The following MAGEB5 variants were observed in gnomAD, a reference collection of about 807,000 sequenced individuals.
MAGEB5 encodes the protein melanoma-associated antigen B5.
For missense variants in MAGEB5, 189 were observed against 197.1 expected, an observed-to-expected ratio of 0.96 and a Z score of 0.25; for synonymous variants, 70 against 75.0, an observed-to-expected ratio of 0.93 and a Z score of 0.34.
At position 26,218,256 on chromosome X, in the gene MAGEB5, A is replaced by C; in HGVS notation, c.*127A>C. ...AAATAGAAAAAAATAATAAAACATG[A>C]TCTTGGTTTTCTTCATTCCTTTCAG... On this transcript the variant is annotated 3_prime_UTR_variant, in exon 2 of 2. Transcript: ENST00000602297. The C allele has an allele frequency of 2.3e-6, 1 of 441,300 alleles. No homozygotes were observed. The highest frequency in any genetic ancestry group is 3.7e-6 in the Non-Finnish European group (1 of 271,428). The allele number at this position is 441,300 out of a possible 1,213,427, so 36.4% of individuals were successfully genotyped here. A position where few individuals can be genotyped will look rare whatever the true frequency, so the allele number is the denominator to read the frequency against.
At position 26,217,507 on chromosome X, in the gene MAGEB5, T is replaced by C. The variant is rs953334441; in HGVS notation, c.206T>C (p.Ile69Thr). The C allele has an allele frequency of 9.4e-6, 11 of 1,166,293 alleles. No individual in the cohort carries two copies. The highest frequency in any genetic ancestry group is 2.3e-4 in the Middle Eastern group (1 of 4,304). Reference protein sequence around the residue: ...QRILKEDMLKIVNPRYQNQFA... With the variant: ...QRILKEDMLKTVNPRYQNQFA... The stretch of plus-strand genomic sequence containing the variant: ...ATTTTGAAGGAAGATATGCTGAAGA[T>C]TGTCAACCCAAGATACCAAAACCAG... The change falls in exon 2 of 2, where the codon ATT becomes ACT. Residue 69 changes from isoleucine to threonine, a missense_variant. By Grantham distance (89) the Ile-to-Thr change is moderately conservative. Transcript: ENST00000602297.
chrX:26,218,240 AAAAT>A lies in MAGEB5; in HGVS notation c.*114_*117del, dbSNP rs1380511510. The A allele has an allele frequency of 8.6e-6, 4 of 467,232 alleles. No homozygotes were observed. The highest frequency in any genetic ancestry group is 1.4e-5 in the Non-Finnish European group (4 of 293,121). The allele number at this position is 467,232 out of a possible 1,213,427, so 38.5% of individuals were successfully genotyped here. On this transcript the variant is annotated 3_prime_UTR_variant, in exon 2 of 2. Coordinates refer to ENST00000602297, the MANE Select transcript of MAGEB5 (RefSeq NM_001271752.1). ...AATAATTGAGATAATGAAATAGAAA[AAAAT>A]AATAAAACATGATCTTGGTTTTCTT...
Position 26,217,389 on chromosome X carries a change from C to A in MAGEB5, c.88C>A (p.Pro30Thr). 1 of 1,166,313 alleles carries A rather than the reference C, an allele frequency of 8.6e-7. No individual in the cohort carries two copies. The highest frequency in any genetic ancestry group is 1.1e-6 in the Non-Finnish European group (1 of 872,368). Reference protein sequence around the residue: ...EEYPCSSEVSPSTESSCSNFI... With the variant: ...EEYPCSSEVSTSTESSCSNFI... ...GTACCCATGTTCCTCAGAGGTCTCACCCTCCACTGAGAGTTCATGCAGCAA... is the reference window on the plus strand; with the variant it reads ...GTACCCATGTTCCTCAGAGGTCTCAACCTCCACTGAGAGTTCATGCAGCAA... Residue 30 changes from proline (P) to threonine (T), a missense_variant, in exon 2 of 2, where the codon CCC becomes ACC. Coordinates refer to ENST00000602297, the MANE Select transcript of MAGEB5 (RefSeq NM_001271752.1).
At position 26,217,937 on chromosome X, in the gene MAGEB5, C is replaced by T; in HGVS notation, c.636C>T (p.Thr212=). Residue 212 remains threonine (T), a synonymous_variant, in exon 2 of 2, where the codon ACC becomes ACT. Transcript: ENST00000602297. ...GGGGTCCAAGAGCCTATACTGAAAC[C>T]AGCAAGATGAAAGTCCTGGAATATT... is the stretch of plus-strand genomic sequence containing the variant. The part of the protein sequence containing the change: ...FLWGPRAYTE[T]SKMKVLEYLA... 1 of 1,208,233 alleles carries T rather than the reference C, an allele frequency of 8.3e-7. No homozygotes were observed. Among genetic ancestry groups the T allele is most frequent in the East Asian group, 3.0e-5 (1 of 33,765 alleles).
chrX:26,216,821 G>C (rs1929456337), intron 1 of MAGEB5, among the ~76,000 whole-genome samples: 1 of 112,323 alleles, frequency 8.9e-6, no homozygotes, highest in Non-Finnish European at 1.9e-5. Context: ...ACCTTAATAT[G>C]CCTGAGGCAG....
chrX:26,218,002 C>T lies in MAGEB5; in HGVS notation c.701C>T (p.Ser234Leu). ...GATATTGCTCCAGGTGCCTTCTCAT[C>T]ACAATATGAAGAGGCTTTGCAAGAT... ...VNDIAPGAFS[S>L]QYEEALQDEE... is the part of the protein sequence containing the mutation. The change falls in exon 2 of 2, where the codon TCA (serine) becomes TTA (leucine). Residue 234 changes from serine to leucine, a missense_variant. Ser to Leu is a moderately radical substitution (Grantham distance 145, BLOSUM62 -2). Coordinates refer to ENST00000602297, the MANE Select transcript of MAGEB5 (RefSeq NM_001271752.1). The T allele has an allele frequency of 1.7e-6, 2 of 1,190,970 alleles. No individual in the cohort carries two copies. Among genetic ancestry groups the T allele is most frequent in the African/African-American group, 1.7e-5 (1 of 57,330 alleles).
At position 26,217,391 on chromosome X, in the gene MAGEB5, C is replaced by T. The variant is rs1031184722; in HGVS notation, c.90C>T (p.Pro30=). The change falls in exon 2 of 2, where the codon CCC becomes CCT. Residue 30 remains proline, a synonymous_variant. Coordinates refer to ENST00000602297, the MANE Select transcript of MAGEB5 (RefSeq NM_001271752.1). ...EEYPCSSEVS[P]STESSCSNFI... Reference sequence around the variant, plus strand: ...ACCCATGTTCCTCAGAGGTCTCACCCTCCACTGAGAGTTCATGCAGCAATT... The same window carrying T: ...ACCCATGTTCCTCAGAGGTCTCACCTTCCACTGAGAGTTCATGCAGCAATT... The T allele has an allele frequency of 3.4e-6, 4 of 1,164,814 alleles. No homozygotes were observed. The highest frequency in any genetic ancestry group is 4.6e-6 in the Non-Finnish European group (4 of 872,192).
Position 26,217,194 on chromosome X carries a change from G to T in MAGEB5, c.-108G>T. The T allele has an allele frequency of 3.7e-6, 2 of 538,457 alleles. No individual in the cohort carries two copies. The highest frequency in any genetic ancestry group is 6.0e-6 in the Non-Finnish European group (2 of 333,906). The allele number at this position is 538,457 out of a possible 1,213,427, so 44.4% of individuals were successfully genotyped here. A position where few individuals can be genotyped will look rare whatever the true frequency, so the allele number is the denominator to read the frequency against. On this transcript the variant is annotated 5_prime_UTR_variant, in exon 2 of 2. Transcript: ENST00000602297. ...TGGAGCTCAGGCCAGTGAATAAGTGGAAGATGATCCCCTCCCCACTTCCTC... is the reference window on the plus strand; with the variant it reads ...TGGAGCTCAGGCCAGTGAATAAGTGTAAGATGATCCCCTCCCCACTTCCTC...
In MAGEB5 at chrX:26,217,430, G is replaced by C; in HGVS notation, c.129G>C (p.Lys43Asn). The part of the protein sequence containing the change: ...ESSCSNFINI[K>N]VGLLEQFLLY... Reference sequence around the variant, plus strand: ...CATGCAGCAATTTCATAAATATTAAGGTGGGTTTGTTGGAGCAGTTCCTGC... The same window carrying C: ...CATGCAGCAATTTCATAAATATTAACGTGGGTTTGTTGGAGCAGTTCCTGC... The change falls in exon 2 of 2, where the codon AAG becomes AAC. Residue 43 changes from lysine to asparagine, a missense_variant. Transcript: ENST00000602297. 8.6e-7 allele frequency: 1 copy of C among 1,167,078 alleles called. No homozygotes were observed. Among genetic ancestry groups the C allele is most frequent in the Non-Finnish European group, 1.1e-6 (1 of 872,996 alleles).
Position 26,217,925 on chromosome X carries a change from C to A in MAGEB5, c.624C>A (p.Ala208=), listed in dbSNP as rs770885718. The change falls in exon 2 of 2, where the codon GCC becomes GCA. Residue 208 remains alanine (A), a synonymous_variant. Coordinates refer to ENST00000602297, the MANE Select transcript of MAGEB5 (RefSeq NM_001271752.1). The stretch of plus-strand genomic sequence containing the variant: ...ATCAATTCCTTTGGGGTCCAAGAGC[C>A]TATACTGAAACCAGCAAGATGAAAG... ...AHYQFLWGPR[A]YTETSKMKVL... is the part of the protein sequence containing the mutation. 7.5e-6 allele frequency: 9 copies of A among 1,208,047 alleles called. No homozygotes were observed. The highest frequency in any genetic ancestry group is 1.0e-5 in the Non-Finnish European group (9 of 893,609).
In MAGEB5 at chrX:26,218,251, A is replaced by C; in HGVS notation, c.*122A>C. 2.2e-6 allele frequency: 1 copy of C among 445,445 alleles called. No homozygotes were observed. Among genetic ancestry groups the C allele is most frequent in the Non-Finnish European group, 3.6e-6 (1 of 275,196 alleles). The allele number at this position is 445,445 out of a possible 1,213,427, so 36.7% of individuals were successfully genotyped here. A position where few individuals can be genotyped will look rare whatever the true frequency, so the allele number is the denominator to read the frequency against. On this transcript the variant is annotated 3_prime_UTR_variant, in exon 2 of 2. Transcript: ENST00000602297. ...TAATGAAATAGAAAAAAATAATAAA[A>C]CATGATCTTGGTTTTCTTCATTCCT...
chrX:26,217,655 TG>T lies in MAGEB5; in HGVS notation c.357del (p.Arg120GlyfsTer15), dbSNP rs1367775518. On this transcript the variant is annotated frameshift_variant, in exon 2 of 2. Coordinates refer to ENST00000602297, the MANE Select transcript of MAGEB5 (RefSeq NM_001271752.1). LOFTEE classifies it low-confidence loss of function (END_TRUNC). ...TCAGCAAGCTGAAACTCCCCAACAATGGGAGGATTCATGTTGGCAAAGTGTT... is the reference window on the plus strand; with the variant it reads ...TCAGCAAGCTGAAACTCCCCAACAATGGAGGATTCATGTTGGCAAAGTGTT... ...LVSKLKLPNNGRIHVGKVLPK... is the reference protein window; with the variant it reads ...LVSKLKLPNNXRIHVGKVLPK... 1.4e-5 allele frequency: 16 copies of T among 1,164,284 alleles called. No homozygotes were observed. In the Middle Eastern group the frequency reaches 2.3e-3, roughly 168 times the overall value.
In MAGEB5 at chrX:26,217,589, C is replaced by T; in HGVS notation, c.288C>T (p.Asp96=). The T allele has an allele frequency of 1.0e-5, 12 of 1,166,938 alleles. No individual in the cohort carries two copies. Among genetic ancestry groups the T allele is most frequent in the Non-Finnish European group, 1.4e-5 (12 of 873,079 alleles). The change falls in exon 2 of 2, where the codon GAC becomes GAT. Residue 96 remains aspartate (D), a synonymous_variant. Transcript: ENST00000602297. ...ACATTGAGGTTGTCTTTGCAGTTGA[C>T]TTGAAGGAAGTCAACCCAACTTGTC... ...SEHIEVVFAV[D]LKEVNPTCHL...
chrX:26,218,125 A>G lies in MAGEB5; in HGVS notation c.824A>G (p.Tyr275Cys), dbSNP rs753321076. ...RAKFSSFSQP[Y>C] is the part of the protein sequence containing the mutation. The stretch of plus-strand genomic sequence containing the variant: ...AAGTTCAGCAGCTTCTCTCAACCCT[A>G]TTGAAGTCTGAAGCTTTTTTCATCC... The change falls in exon 2 of 2, where the codon TAT becomes TGT. Residue 275 changes from tyrosine (Y) to cysteine (C), a missense_variant. Transcript: ENST00000602297. The G allele has an allele frequency of 9.0e-6, 10 of 1,108,782 alleles. No homozygotes were observed. The highest frequency in any genetic ancestry group is 1.1e-5 in the Non-Finnish European group (9 of 842,681). 91.4% of individuals were successfully genotyped at this position (1,108,782 alleles called of 1,213,427 possible).
Position 26,217,659 on chromosome X carries a change from AGGATTCAT to A in MAGEB5, c.360_367del (p.Arg120SerfsTer41), listed in dbSNP as rs1217618603. The stretch of plus-strand genomic sequence containing the variant: ...CAAGCTGAAACTCCCCAACAATGGG[AGGATTCAT>A]GTTGGCAAAGTGTTACCCAAGACTG... On this transcript the variant is annotated frameshift_variant, in exon 2 of 2. Coordinates refer to ENST00000602297, the MANE Select transcript of MAGEB5 (RefSeq NM_001271752.1). LOFTEE classifies it low-confidence loss of function (END_TRUNC). 1.4e-5 allele frequency: 16 copies of A among 1,164,277 alleles called. No homozygotes were observed. In the Middle Eastern group the frequency reaches 2.3e-3, roughly 169 times the overall value.
Position 26,217,377 on chromosome X carries a change from T to C in MAGEB5, c.76T>C (p.Ser26Pro). The C allele has an allele frequency of 1.7e-6, 2 of 1,166,682 alleles. No homozygotes were observed. The highest frequency in any genetic ancestry group is 1.1e-6 in the Non-Finnish European group (1 of 872,805). ...NSRDEEYPCS[S>P]EVSPSTESSC... ...TAGAGATGAGGAGTACCCATGTTCC[T>C]CAGAGGTCTCACCCTCCACTGAGAG... The change falls in exon 2 of 2, where the codon TCA (serine) becomes CCA (proline). Residue 26 changes from serine to proline, a missense_variant. By Grantham distance (74) the Ser-to-Pro change is moderately conservative. Coordinates refer to ENST00000602297, the MANE Select transcript of MAGEB5 (RefSeq NM_001271752.1).
intron 1 of MAGEB5, among the ~76,000 whole-genome samples, 185 bp downstream of exon 1, chrX:26,216,383 ATCTG>A (rs758896900): frequency 1.8e-5 from 2 of 112,008 alleles, no homozygotes; most frequent in Non-Finnish European, 3.8e-5. Context: ...TTAAAAAAGA[ATCTG>A]GCCCTACCCT....
At position 26,217,923 on chromosome X, in the gene MAGEB5, G is replaced by T; in HGVS notation, c.622G>T (p.Ala208Ser). Residue 208 changes from alanine (A) to serine (S), a missense_variant, in exon 2 of 2, where the codon GCC becomes TCC. Physicochemically the swap from Ala to Ser is moderately conservative, Grantham distance 99. Coordinates refer to ENST00000602297, the MANE Select transcript of MAGEB5 (RefSeq NM_001271752.1). The part of the protein sequence containing the change: ...AHYQFLWGPR[A>S]YTETSKMKVL... Reference sequence around the variant, plus strand: ...CTATCAATTCCTTTGGGGTCCAAGAGCCTATACTGAAACCAGCAAGATGAA... The same window carrying T: ...CTATCAATTCCTTTGGGGTCCAAGATCCTATACTGAAACCAGCAAGATGAA... The T allele has an allele frequency of 8.3e-7, 1 of 1,208,016 alleles. No homozygotes were observed.
At chrX:26,216,395 C>G (rs1380861275) in intron 1 of MAGEB5, among the ~76,000 whole-genome samples, 197 bp downstream of exon 1, 3 of 111,804 alleles carry the variant, frequency 2.7e-5, no homozygotes, top group Non-Finnish European at 3.8e-5. Context: ...CTGGCCCTAC[C>G]CTGGTTTCAG....
Sources: allele counts gnomAD v4.1 joint callset (sites outside exome capture counted in the v4.1 genomes callset), GRCh38; gene constraint gnomAD v4.1.1; transcripts MANE v1.5; gene names NCBI Gene and HGNC (gene_info 2026-07-23, HGNC 2026-07-21).